GLB1: variants seen among roughly 807,000 people sequenced by gnomAD.
GLB1 encodes galactosidase beta 1.
In GLB1, 56 loss-of-function variants were observed where a neutral mutation model predicts 74.0. The observed-to-expected ratio is 0.76, with a 90% CI of 0.61 to 0.94. The LOEUF (loss-of-function observed/expected upper bound fraction) is 0.94. Ranked by LOEUF, GLB1 falls within the 40% of genes least tolerant of loss-of-function variation. The probability of loss-of-function intolerance (pLI) is 0.00; values close to 1 mark genes in which losing one functional copy is unlikely to be tolerated. For synonymous variants in GLB1, 323 were observed against 323.6 expected, an observed-to-expected ratio of 1.00 and a Z score of 0.02; for missense variants, 787 against 845.5, an observed-to-expected ratio of 0.93 and a Z score of 0.86.
At chr3:33,057,238 C>T (rs1699259240) in intron 6 of GLB1, among the ~76,000 whole-genome samples, 1 of 152,204 alleles carries the variant, frequency 6.6e-6, no homozygotes, top group Non-Finnish European at 1.5e-5. Flanking sequence ...TTTCCCTTTG[C>T]CTTCTGCCAT....
intron 9 of GLB1, 141 bp downstream of exon 9, chr3:33,051,617 A>AAG (rs1698990662): frequency 8.3e-7 from 1 of 1,204,064 alleles, no homozygotes; most frequent in East Asian, 2.6e-5. Context: ...AAAAAAAAAA[A>AAG]AAGAAAAAGA....
intron 15 of GLB1, among the ~76,000 whole-genome samples, chr3:33,012,681 C>A (rs1697076957): frequency 6.6e-6 from 1 of 152,124 alleles, no homozygotes; most frequent in Admixed American, 6.5e-5. Context: ...AAACTCATGA[C>A]CCCCCTTTCT....
chr3:33,002,182 T>C (rs1034249996), intron 15 of GLB1, among the ~76,000 whole-genome samples: 11 of 152,190 alleles, frequency 7.2e-5, no homozygotes, highest in African/African-American at 2.7e-4. Context: ...CACCCTTTGC[T>C]GTAATCACTA....
At chr3:33,064,990 A>G (rs1477018671) in intron 5 of GLB1, among the ~76,000 whole-genome samples, 3 of 152,172 alleles carry the variant, frequency 2.0e-5, no homozygotes, top group Admixed American at 6.5e-5. Context: ...GCCAGCCCCA[A>G]TTGACCATAT....
intron 15 of GLB1, among the ~76,000 whole-genome samples, chr3:32,998,522 A>C (rs1696413249): frequency 6.6e-6 from 1 of 152,162 alleles, no homozygotes; most frequent in Non-Finnish European, 1.5e-5. Context: ...CAAAAAAAAA[A>C]AAAAAAGATT....
At chr3:33,092,788 G>A (rs773006491) in intron 1 of GLB1, 6 of 1,536,784 alleles carry the variant, frequency 3.9e-6, no homozygotes, top group South Asian at 2.5e-5. Context: ...GCAGGATGGA[G>A]GGTCGAGGAC....
chr3:32,976,085 G>A, the GLB1 span, among the ~76,000 whole-genome samples: 1 of 152,138 alleles, frequency 6.6e-6, no homozygotes, highest in East Asian at 1.9e-4. Context: ...TTTTGCGAGT[G>A]TGACTCTGGT....
intron 10 of GLB1, chr3:33,030,539 A>C: frequency 1.0e-6 from 1 of 985,486 alleles, no homozygotes; most frequent in Non-Finnish European, 1.2e-6. Flanking sequence ...TCTGCGTATC[A>C]AGCCAATGTC....
chr3:33,020,032 T>TA (rs1697402583), intron 12 of GLB1, among the ~76,000 whole-genome samples: 1 of 152,166 alleles, frequency 6.6e-6, no homozygotes, highest in Non-Finnish European at 1.5e-5. Context: ...GTTCATATAG[T>TA]AACCTGGAAC....
intron 1 of GLB1, among the ~76,000 whole-genome samples, chr3:33,081,176 C>T (rs1297364469): frequency 6.6e-6 from 1 of 152,124 alleles, no homozygotes; most frequent in Non-Finnish European, 1.5e-5. Flanking sequence ...TCAGGGCATC[C>T]TATGAATATC....
downstream of GLB1, among the ~76,000 whole-genome samples, chr3:32,995,756 G>A (rs1696296539): frequency 6.7e-6 from 1 of 149,530 alleles, no homozygotes; most frequent in African/African-American, 2.5e-5. Flanking sequence ...AAGGTAGGAA[G>A]ATCACTTGAA....
At chr3:33,028,790 C>T (rs1044479455) in intron 10 of GLB1, among the ~76,000 whole-genome samples, 4 of 151,980 alleles carry the variant, frequency 2.6e-5, no homozygotes, top group African/African-American at 9.7e-5. Flanking sequence ...CTCAGCCTCC[C>T]GAGTAGCTGG....
intron 9 of GLB1, among the ~76,000 whole-genome samples, chr3:33,046,702 C>T (rs1315766358): frequency 1.3e-5 from 2 of 152,156 alleles, no homozygotes; most frequent in East Asian, 3.9e-4. Context: ...CATGGATCAG[C>T]AGAAAACCCA....
intron 1 of GLB1, chr3:33,091,749 A>G: frequency 2.0e-6 from 2 of 985,432 alleles, no homozygotes; most frequent in Non-Finnish European, 1.2e-6. Context: ...CTCCAGTCAG[A>G]GCGAGTGTCT....
At chr3:33,010,498 T>A (rs549927936) in intron 15 of GLB1, among the ~76,000 whole-genome samples, 2 of 152,384 alleles carry the variant, frequency 1.3e-5, no homozygotes, top group Admixed American at 1.3e-4. Context: ...TTGTCTATTA[T>A]TGAATTGTAA....
At chr3:33,063,308 T>A (rs1403861304) in intron 5 of GLB1, among the ~76,000 whole-genome samples, 1 of 152,232 alleles carries the variant, frequency 6.6e-6, no homozygotes, top group Admixed American at 6.5e-5. Context: ...AGCTTTGCTA[T>A]GGCTCCTGAG....
Position 33,059,290 on chromosome 3 carries a change from CAG to C in GLB1, c.553-1023_553-1022del, listed in dbSNP as rs202105859. Among the ~76,000 whole-genome samples the C allele has an allele frequency of 4.9e-3, 616 of 125,604 alleles. 5 individuals are homozygous for C. Among genetic ancestry groups the C allele is most frequent in the African/African-American group, 0.018 (583 of 33,286 alleles). The allele number at this position is 125,604 out of a possible 152,430, so 82.4% of individuals were successfully genotyped here. ...ACACACACACACACACACACACACA[CAG>C]AGCAAATAAACCAATATACAATATC... On this transcript the variant is annotated intron_variant, in intron 5 of 15. Coordinates refer to ENST00000307363, the MANE Select transcript of GLB1 (RefSeq NM_000404.4).
At chr3:33,094,430 G>T in intron 1 of GLB1, 1 of 1,143,492 alleles carries the variant, frequency 8.7e-7, no homozygotes. Context: ...CCAGTCAGTT[G>T]CTAGCTATAC....
the GLB1 span, among the ~76,000 whole-genome samples, chr3:32,989,152 C>A: frequency 3.3e-5 from 5 of 152,200 alleles, no homozygotes; most frequent in South Asian, 1.0e-3. Flanking sequence ...ACAGATGAAC[C>A]CAGTTGCCCA....
Sources: allele counts gnomAD v4.1 joint callset (sites outside exome capture counted in the v4.1 genomes callset), GRCh38; gene constraint gnomAD v4.1.1; transcripts MANE v1.5; gene names NCBI Gene and HGNC (gene_info 2026-07-23, HGNC 2026-07-21).